Variants in GRIK1 observed in about 807,000 individuals in gnomAD.
GRIK1 encodes glutamate ionotropic receptor kainate type subunit 1, also known as glutamate receptor ionotropic, kainate 1.
GRIK1 carries 69 observed loss-of-function variants against 105.7 expected under a neutral mutation model. That is an observed-to-expected ratio of 0.65 (90% CI 0.54 to 0.80). The LOEUF (loss-of-function observed/expected upper bound fraction) is 0.80, where lower values mean the gene tolerates loss of function less well. Ranked by LOEUF, GRIK1 falls within the 30% of genes least tolerant of loss-of-function variation. The pLI is 0.00. For synonymous variants in GRIK1, 438 were observed against 431.3 expected, an observed-to-expected ratio of 1.02 and a Z score of -0.19; for missense variants, 1,109 against 1,167.3, an observed-to-expected ratio of 0.95 and a Z score of 0.73.
chr21:29,914,661 C>T (rs1048388127), intron 1 of GRIK1, among the ~76,000 whole-genome samples: 3 of 152,112 alleles, frequency 2.0e-5, no homozygotes, highest in African/African-American at 7.2e-5. Flanking sequence ...CAAGTATGCT[C>T]ATACAACTTG....
At chr21:29,916,780 AC>A (rs2146311008) in intron 1 of GRIK1, among the ~76,000 whole-genome samples, 1 of 152,050 alleles carries the variant, frequency 6.6e-6, no homozygotes, top group African/African-American at 2.4e-5. Flanking sequence ...ATACACATAA[AC>A]CCAATGTTCC....
At chr21:29,905,957 G>T (rs1569207728) in intron 1 of GRIK1, among the ~76,000 whole-genome samples, 4 of 142,600 alleles carry the variant, frequency 2.8e-5, no homozygotes, top group East Asian at 2.0e-4. Flanking sequence ...TTGTTTGTTT[G>T]TTTGTTTTAA....
chr21:29,586,115 T>A (rs1052831621), intron 12 of GRIK1, among the ~76,000 whole-genome samples: 1 of 152,244 alleles, frequency 6.6e-6, no homozygotes, highest in East Asian at 1.9e-4. Context: ...ATACAAAGGA[T>A]AATATCACTA....
rs2091154510 is a variant in GRIK1, at chr21:29,587,481, G to C, written c.1678C>G (p.Pro560Ala). 6.2e-7 allele frequency: 1 copy of C among 1,612,546 alleles called. No homozygotes were observed. Among genetic ancestry groups the C allele is most frequent in the Admixed American group, 1.7e-5 (1 of 59,996 alleles). ...TLGISILYRK[P>A]NGTNPGVFSF... is the part of the protein sequence containing the mutation. ...AAAACGCCTGGATTGGTACCATTGG[G>C]CTTCCGGTAGAGAATGCTGATGCCT... The change falls in exon 12 of 18, where the codon CCC becomes GCC. Residue 560 changes from proline (P) to alanine (A), a missense_variant. Physicochemically the swap from Pro to Ala is conservative, Grantham distance 27. Coordinates refer to ENST00000327783, the MANE Select transcript of GRIK1 (RefSeq NM_001330994.2).
intron 1 of GRIK1, among the ~76,000 whole-genome samples, chr21:29,773,924 C>T (rs1218679792): frequency 6.6e-6 from 1 of 152,070 alleles, no homozygotes; most frequent in African/African-American, 2.4e-5. Flanking sequence ...ATCCCTTTCC[C>T]GTCTGAAAAA....
chr21:29,773,587 C>G (rs1054964482), intron 1 of GRIK1, among the ~76,000 whole-genome samples: 6 of 151,976 alleles, frequency 3.9e-5, no homozygotes, highest in African/African-American at 1.4e-4. Context: ...TAGGCAGTAA[C>G]TAGATCATCC....
In GRIK1 at chr21:29,765,063, T is replaced by C. The variant is rs148722082; in HGVS notation, c.119-71000A>G. ...AATGGAGAAAAAATAGTGAGATATA[T>C]TTCCTTTAAAAGATCATGACCTCTT... On this transcript the variant is annotated intron_variant, in intron 1 of 17. Transcript: ENST00000327783. 9.1e-3 allele frequency among the ~76,000 whole-genome samples: 1,393 copies of C among 152,296 alleles called. 21 individuals carry two copies. Among genetic ancestry groups the C allele is most frequent in the African/African-American group, 0.032 (1,331 of 41,568 alleles).
At chr21:29,652,337 C>T (rs911262142) in intron 5 of GRIK1, among the ~76,000 whole-genome samples, 18 of 151,554 alleles carry the variant, frequency 1.2e-4, no homozygotes, top group East Asian at 3.9e-4. Context: ...CACTCCTGGC[C>T]GAAAAAAAAT....
intron 7 of GRIK1, among the ~76,000 whole-genome samples, chr21:29,614,896 AT>A (rs1012601733): frequency 8.6e-5 from 13 of 151,544 alleles, no homozygotes; most frequent in African/African-American, 2.7e-4. Flanking sequence ...CTCCCTAAAA[AT>A]TCTCTCCCCC....
intron 1 of GRIK1, among the ~76,000 whole-genome samples, chr21:29,855,117 T>A (rs1259808650): frequency 6.6e-6 from 1 of 152,228 alleles, no homozygotes; most frequent in Non-Finnish European, 1.5e-5. Flanking sequence ...GACAGTCATC[T>A]TGTAGTCTCA....
chr21:29,677,498 G>A (rs2063292382), intron 3 of GRIK1, among the ~76,000 whole-genome samples: 3 of 151,626 alleles, frequency 2.0e-5, no homozygotes, highest in South Asian at 2.1e-4. Flanking sequence ...CTGTCTACTC[G>A]GTGCACTCAG....
intron 7 of GRIK1, among the ~76,000 whole-genome samples, chr21:29,605,674 C>T (rs1194850567): frequency 1.3e-5 from 2 of 152,116 alleles, no homozygotes; most frequent in African/African-American, 2.4e-5. Flanking sequence ...CTAATTTACA[C>T]TCCCACCAAC....
intron 16 of GRIK1, among the ~76,000 whole-genome samples, chr21:29,543,480 C>T (rs78274826): frequency 0.024 from 3,625 of 152,162 alleles, 131 homozygotes; most frequent in African/African-American, 0.082. Context: ...ATGTGTACTA[C>T]CCTTGTGGGA....
rs765620056 is a variant in GRIK1, at chr21:29,693,880, G to A, written c.286+16C>T. On this transcript the variant is annotated intron_variant, in intron 2 of 17. Coordinates refer to ENST00000327783, the MANE Select transcript of GRIK1 (RefSeq NM_001330994.2). ...ATATCACCCAAAGAAGCTTTTAAAA[G>A]TGGGAAAATAGTTACCTCTCCGCGA... 6.3e-6 allele frequency: 10 copies of A among 1,595,628 alleles called. No individual in the cohort carries two copies. In the African/African-American group the frequency reaches 1.3e-4, roughly 21 times the overall value.
intron 4 of GRIK1, among the ~76,000 whole-genome samples, chr21:29,665,810 T>C (rs2063047879): frequency 6.6e-6 from 1 of 152,268 alleles, no homozygotes; most frequent in South Asian, 2.1e-4. Flanking sequence ...CATCATACTC[T>C]GATCTGAAAT....
chr21:29,816,146 A>T (rs1346301008), intron 1 of GRIK1, among the ~76,000 whole-genome samples: 1 of 152,146 alleles, frequency 6.6e-6, no homozygotes, highest in Non-Finnish European at 1.5e-5. Flanking sequence ...ATACGAATAG[A>T]TATTTCTCAA....
chr21:29,626,918 G>A (rs1329489480), intron 7 of GRIK1, among the ~76,000 whole-genome samples: 1 of 152,146 alleles, frequency 6.6e-6, no homozygotes, highest in African/African-American at 2.4e-5. Context: ...TGTTGAAATG[G>A]TGATCAAATC....
rs189033596 is a variant in GRIK1, at chr21:29,537,524, C to G, written c.2695-139G>C. The G allele has an allele frequency of 5.7e-6, 4 of 701,734 alleles. No individual in the cohort carries two copies. The African/African-American group carries it at 7.2e-5, about 13-fold the overall frequency. 43.5% of individuals were successfully genotyped at this position (701,734 alleles called of 1,614,324 possible). On this transcript the variant is annotated intron_variant, in intron 17 of 17. Transcript: ENST00000327783. ...GTCACAATTGGCCAGTTCCCATCAC[C>G]TCCTCCTCCACCCGCTGGCCACCCA...
chr21:29,757,991 T>C (rs994912527), intron 1 of GRIK1, among the ~76,000 whole-genome samples: 4 of 152,210 alleles, frequency 2.6e-5, no homozygotes, highest in Non-Finnish European at 5.9e-5. Context: ...CTTGAGATAA[T>C]AGAAATTTAT....
Sources: gnomAD v4.1 joint callset for allele counts (sites outside exome capture counted in the v4.1 genomes callset) on GRCh38, gnomAD v4.1.1 for gene constraint, MANE v1.5 for transcripts, NCBI Gene and HGNC (gene_info 2026-07-23, HGNC 2026-07-21) for gene names.